The following INPP4A variants were observed in gnomAD, a reference collection of about 807,000 sequenced individuals.
INPP4A encodes inositol polyphosphate-4-phosphatase type I A, also known as inositol polyphosphate-4-phosphatase, type I, 107kD.
In INPP4A, 33 loss-of-function variants were observed where a neutral mutation model predicts 119.8. The ratio of observed to expected loss-of-function variants is 0.28; its 90% confidence interval spans 0.21 to 0.37. The LOEUF (loss-of-function observed/expected upper bound fraction) is 0.37. Among genes scored for constraint, INPP4A ranks in the 10% least tolerant of loss-of-function variants. The pLI, the probability that INPP4A is intolerant of heterozygous loss-of-function variation, is 1.00. For missense variants in INPP4A, 956 were observed against 1,289.9 expected, an observed-to-expected ratio of 0.74 and a Z score of 3.97; for synonymous variants, 496 against 500.7, an observed-to-expected ratio of 0.99 and a Z score of 0.12.
intron 1 of INPP4A, among the ~76,000 whole-genome samples, chr2:98,463,779 T>C (rs955669426): frequency 6.6e-6 from 1 of 152,118 alleles, no homozygotes; most frequent in Non-Finnish European, 1.5e-5. Context: ...GCCATGAGCG[T>C]CCATGGTCAA....
chr2:98,504,706 C>CA (rs1558962535), intron 1 of INPP4A, among the ~76,000 whole-genome samples: 1 of 152,138 alleles, frequency 6.6e-6, no homozygotes, highest in African/African-American at 2.4e-5. Flanking sequence ...CTCGTGAAGC[C>CA]AATTTTGACA....
chr2:98,544,082 C>A, intron 11 of INPP4A, 75 bp downstream of exon 11: 1 of 1,364,700 alleles, frequency 7.3e-7, no homozygotes, highest in South Asian at 1.4e-5. Context: ...CTCACTCAGT[C>A]ACTCCCTCTG....
chr2:98,561,587 TC>T (rs2106309970), intron 17 of INPP4A, among the ~76,000 whole-genome samples: 1 of 152,356 alleles, frequency 6.6e-6, no homozygotes, highest in East Asian at 1.9e-4. Context: ...TTCATTTTTT[TC>T]CTAATGTAGC....
chr2:98,460,284 A>C (rs1336989004), intron 1 of INPP4A, among the ~76,000 whole-genome samples: 2 of 152,134 alleles, frequency 1.3e-5, no homozygotes, highest in African/African-American at 4.8e-5. Flanking sequence ...GGGGAGCATC[A>C]CAGGGCCTCA....
chr2:98,462,639 C>CT (rs1046984756), intron 1 of INPP4A, among the ~76,000 whole-genome samples: 3 of 151,498 alleles, frequency 2.0e-5, no homozygotes, highest in Non-Finnish European at 4.4e-5. Context: ...GATCTTCCCA[C>CT]TTTAGCCTCC....
In INPP4A at chr2:98,566,207, G is replaced by A. The variant is rs1696412087; in HGVS notation, c.2420+38G>A. 9.1e-6 allele frequency: 14 copies of A among 1,537,384 alleles called. No individual in the cohort carries two copies. Among genetic ancestry groups the A allele is most frequent in the Non-Finnish European group, 9.7e-6 (11 of 1,139,210 alleles). On this transcript the variant is annotated intron_variant, in intron 21 of 24. Transcript: ENST00000409851. The surrounding 1 kb of genome is among the most constrained non-coding windows in gnomAD (Gnocchi z 4.2). ...TCCTCGGGGCTGCGGGGGTGTGGTG[G>A]CCCTGGAGATGATGCAGAAAACGTA...
chr2:98,559,559 G>A, intron 17 of INPP4A, 64 bp downstream of exon 17: 1 of 1,517,196 alleles, frequency 6.6e-7, no homozygotes, highest in Non-Finnish European at 9.1e-7. Context: ...GTAGTGTTTT[G>A]TAGCTAAATT....
At chr2:98,502,008 C>T (rs1193884071) in intron 1 of INPP4A, among the ~76,000 whole-genome samples, 1 of 152,196 alleles carries the variant, frequency 6.6e-6, no homozygotes. Flanking sequence ...CTTCGTACAT[C>T]AGTGCCCACC....
intron 24 of INPP4A, among the ~76,000 whole-genome samples, chr2:98,586,847 C>T (rs1009097612): frequency 6.6e-6 from 1 of 150,924 alleles, no homozygotes; most frequent in Non-Finnish European, 1.5e-5. Flanking sequence ...GGTGAGATCC[C>T]TCCCTCATAA....
intron 24 of INPP4A, among the ~76,000 whole-genome samples, chr2:98,579,042 T>TA (rs1698880300): frequency 6.6e-6 from 1 of 152,070 alleles, no homozygotes. Flanking sequence ...ATGTAGACCT[T>TA]ATCACTTTTT....
At chr2:98,545,312 T>C (rs1216118694) in intron 11 of INPP4A, among the ~76,000 whole-genome samples, 1 of 152,208 alleles carries the variant, frequency 6.6e-6, no homozygotes, top group Non-Finnish European at 1.5e-5. Flanking sequence ...TCCATTTAAT[T>C]AGTTATGGAT....
chr2:98,579,655 T>G (rs1375315015), intron 24 of INPP4A, among the ~76,000 whole-genome samples: 1 of 152,252 alleles, frequency 6.6e-6, no homozygotes, highest in Admixed American at 6.5e-5. Context: ...GGCTGTTGTT[T>G]CTCTGCATTA....
intron 24 of INPP4A, among the ~76,000 whole-genome samples, chr2:98,578,225 C>G (rs927663569): frequency 6.6e-6 from 1 of 152,192 alleles, no homozygotes; most frequent in Admixed American, 6.5e-5. Flanking sequence ...GGTCTGCTCC[C>G]CAGGAGCCTT....
chr2:98,488,935 C>CTGTGTGTG (rs55758146), intron 1 of INPP4A, among the ~76,000 whole-genome samples: 112 of 126,118 alleles, frequency 8.9e-4, no homozygotes, highest in African/African-American at 1.9e-3. Context: ...AGTACATGCA[C>CTGTGTGTG]TGTGTGTGTG....
chr2:98,535,643 C>T (rs1690112887), intron 5 of INPP4A, 86 bp from the exon 6 acceptor site: 1 of 667,860 alleles, frequency 1.5e-6, no homozygotes. Context: ...GTTAGTTTCT[C>T]ATTCTGAAAA....
intron 1 of INPP4A, among the ~76,000 whole-genome samples, chr2:98,504,929 A>G (rs778468179): frequency 2.0e-5 from 3 of 152,214 alleles, no homozygotes; most frequent in Non-Finnish European, 4.4e-5. Flanking sequence ...AGGACTGGCA[A>G]TGGCAAGGGG....
chr2:98,551,453 G>A (rs765387064), intron 13 of INPP4A, among the ~76,000 whole-genome samples: 71 of 152,302 alleles, frequency 4.7e-4, no homozygotes, highest in Non-Finnish European at 8.8e-4. Context: ...TTACTGTGGC[G>A]TGTGGGCTTG....
chr2:98,459,610 G>A (rs960513725), intron 1 of INPP4A, among the ~76,000 whole-genome samples: 3 of 152,240 alleles, frequency 2.0e-5, no homozygotes, highest in African/African-American at 4.8e-5. Flanking sequence ...AAGATTGCCA[G>A]AGTTCTCTAT....
At chr2:98,488,106 C>T (rs1679924429) in intron 1 of INPP4A, among the ~76,000 whole-genome samples, 1 of 152,152 alleles carries the variant, frequency 6.6e-6, no homozygotes, top group Non-Finnish European at 1.5e-5. Flanking sequence ...CCACTGGGGG[C>T]TCTTTCAGTT....
Sources: allele counts gnomAD v4.1 joint callset (sites outside exome capture counted in the v4.1 genomes callset), GRCh38; gene constraint gnomAD v4.1.1; non-coding constraint Gnocchi (gnomAD v3.1); transcripts MANE v1.5; gene names NCBI Gene and HGNC (gene_info 2026-07-23, HGNC 2026-07-21).